The following UNC13B variants were observed in gnomAD, a reference collection of about 807,000 sequenced individuals.
UNC13B encodes unc-13 homolog B, also known as protein unc-13 homolog B.
UNC13B carries 144 observed loss-of-function variants against 211.0 expected under a neutral mutation model. The ratio of observed to expected loss-of-function variants is 0.68; its 90% CI spans 0.60 to 0.78. The LOEUF (loss-of-function observed/expected upper bound fraction) is 0.78, where lower values mean the gene tolerates loss of function less well. Ranked by LOEUF, UNC13B falls within the 30% of genes least tolerant of loss-of-function variation. UNC13B has a pLI of 0.00. For synonymous variants in UNC13B, 709 were observed against 725.8 expected (o/e 0.98, Z 0.37); for missense variants, 1,777 against 2,002.0 (o/e 0.89, Z 2.14).
chr9:35,370,632 T>C (rs867877400), intron 13 of UNC13B, among the ~76,000 whole-genome samples: 2 of 152,376 alleles, frequency 1.3e-5, no homozygotes, highest in Middle Eastern at 3.4e-3. Flanking sequence ...TATTTGTGAC[T>C]TGGGCTCTCA....
intron 11 of UNC13B, among the ~76,000 whole-genome samples, chr9:35,365,644 T>TTTCCCACCTACTGTTGTTTC (rs759458123): frequency 3.3e-5 from 5 of 152,236 alleles, no homozygotes; most frequent in Admixed American, 1.3e-4. Context: ...TTTTCTGTTA[T>TTTCCCACCTACTGTTGTTTC]TTCCCACCTA....
In UNC13B at chr9:35,301,896, C is replaced by T; in HGVS notation, c.2492C>T (p.Ser831Leu). The T allele has an allele frequency of 2.5e-6, 1 of 398,778 alleles. No homozygotes were observed. The highest frequency in any genetic ancestry group is 4.4e-6 in the Non-Finnish European group (1 of 225,872). 24.7% of individuals were successfully genotyped at this position (398,778 alleles called of 1,614,324 possible). The change falls in exon 9 of 40, where the codon TCA becomes TTA. Residue 831 changes from serine to leucine, a missense_variant. Transcript: ENST00000635942. Reference sequence around the variant, plus strand: ...GAGACTTGTTCAAAGGAAAGTTTGTCAGAACCTGTGAAAATTCGCCAGGTG... The same window carrying T: ...GAGACTTGTTCAAAGGAAAGTTTGTTAGAACCTGTGAAAATTCGCCAGGTG... The part of the protein sequence containing the change: ...SPETCSKESL[S>L]EPVKIRQVEE...
intron 2 of UNC13B, among the ~76,000 whole-genome samples, chr9:35,230,576 T>C (rs568833978): frequency 2.6e-5 from 4 of 152,248 alleles, no homozygotes; most frequent in East Asian, 3.9e-4. Flanking sequence ...GATTTTTCCT[T>C]AATTTTTGTC....
At chr9:35,240,068 T>C (rs1211722441) in intron 5 of UNC13B, among the ~76,000 whole-genome samples, 1 of 152,198 alleles carries the variant, frequency 6.6e-6, no homozygotes, top group East Asian at 1.9e-4. Context: ...GGGGAAGTGA[T>C]AAGTGTCCAT....
chr9:35,290,824 GGTTTTTTGGGTT>G (rs1829062906), intron 7 of UNC13B, among the ~76,000 whole-genome samples: 1 of 152,052 alleles, frequency 6.6e-6, no homozygotes, highest in Non-Finnish European at 1.5e-5. Flanking sequence ...TTGTTCTGTG[GGTTTTTTGGGTT>G]GTTGTTAGTC....
At chr9:35,363,623 G>C (rs539427446) in intron 11 of UNC13B, among the ~76,000 whole-genome samples, 13 of 152,122 alleles carry the variant, frequency 8.5e-5, no homozygotes, top group South Asian at 2.1e-4. Flanking sequence ...ACATCAATGG[G>C]CCTTTAAAAG....
At chr9:35,263,380 A>G (rs1827390447) in intron 7 of UNC13B, among the ~76,000 whole-genome samples, 1 of 151,692 alleles carries the variant, frequency 6.6e-6, no homozygotes, top group Non-Finnish European at 1.5e-5. Context: ...CCCTCAGTAT[A>G]CTTGGGGGAT....
intron 1 of UNC13B, among the ~76,000 whole-genome samples, chr9:35,222,251 T>G (rs1222050005): frequency 6.6e-6 from 1 of 152,112 alleles, no homozygotes; most frequent in African/African-American, 2.4e-5. Flanking sequence ...ATGGGGAAAA[T>G]TGTCATTTTA....
intron 11 of UNC13B, among the ~76,000 whole-genome samples, chr9:35,339,696 A>G (rs1432221930): frequency 3.3e-5 from 5 of 152,396 alleles, no homozygotes; most frequent in South Asian, 2.1e-4. Context: ...GTTGTGCCTC[A>G]TGTGCTAACC....
chr9:35,394,241 G>A (rs558866154), intron 26 of UNC13B, among the ~76,000 whole-genome samples: 18 of 152,218 alleles, frequency 1.2e-4, no homozygotes, highest in African/African-American at 1.7e-4. Context: ...TTCAGCTGGA[G>A]ATTTTAAGAT....
chr9:35,351,353 G>T, intron 11 of UNC13B: 2 of 1,225,904 alleles, frequency 1.6e-6, no homozygotes, highest in Non-Finnish European at 2.0e-6. Context: ...GCCACACATG[G>T]GGCCATTCCA....
At chr9:35,236,619 G>A in intron 4 of UNC13B, 33 bp downstream of exon 4, 1 of 1,580,634 alleles carries the variant, frequency 6.3e-7, no homozygotes, top group Middle Eastern at 1.7e-4. Flanking sequence ...TGGAAGTATG[G>A]TTCCCAGCCC....
chr9:35,206,806 G>A (rs200138796), intron 1 of UNC13B, among the ~76,000 whole-genome samples: 46 of 150,964 alleles, frequency 3.0e-4, no homozygotes, highest in African/African-American at 9.5e-4. Flanking sequence ...CTGAGGAGGC[G>A]GAGTTTGCAG....
intron 1 of UNC13B, among the ~76,000 whole-genome samples, chr9:35,190,916 G>T (rs1219588061): frequency 2.6e-5 from 4 of 152,076 alleles, no homozygotes; most frequent in African/African-American, 9.7e-5. Flanking sequence ...AGACCAACAA[G>T]CCTTAATTAG....
rs758225669 is a variant in UNC13B at position 35,382,507 on chromosome 9, G to A, written c.10806G>A (p.Gly3602=). The part of the protein sequence containing the change: ...ASDRFAASNF[G]KERFVKLLDQ... ...ATCGCTTTGCAGCCTCCAACTTTGG[G>A]GTAAGTATCATGTAAACACATATGT... is the stretch of plus-strand genomic sequence containing the variant. Residue 3602 remains glycine, a splice_region_variant and synonymous_variant, in exon 21 of 40, where the codon GGG becomes GGA. Coordinates refer to ENST00000635942, the MANE Select transcript of UNC13B (RefSeq NM_001371189.2). The A allele has an allele frequency of 6.8e-6, 11 of 1,611,174 alleles. No homozygotes were observed. The highest frequency in any genetic ancestry group is 1.3e-5 in the African/African-American group (1 of 74,674).
chr9:35,200,079 A>T (rs1445829519), intron 1 of UNC13B, among the ~76,000 whole-genome samples: 2 of 152,112 alleles, frequency 1.3e-5, no homozygotes, highest in African/African-American at 4.8e-5. Flanking sequence ...TTTTCCCAGC[A>T]CCATTTATTA....
At chr9:35,230,340 G>A (rs991844164) in intron 2 of UNC13B, among the ~76,000 whole-genome samples, 2 of 151,630 alleles carry the variant, frequency 1.3e-5, no homozygotes, top group African/African-American at 2.4e-5. Flanking sequence ...GCATGGTGGC[G>A]CACACCTATA....
intron 11 of UNC13B, among the ~76,000 whole-genome samples, chr9:35,350,188 T>G (rs908058852): frequency 6.6e-6 from 1 of 152,194 alleles, no homozygotes; most frequent in Admixed American, 6.5e-5. Flanking sequence ...AAAAAGGGAA[T>G]GTATTCTCAC....
intron 7 of UNC13B, among the ~76,000 whole-genome samples, chr9:35,268,385 T>C (rs1474747377): frequency 4.6e-5 from 7 of 152,134 alleles, no homozygotes; most frequent in Non-Finnish European, 1.0e-4. Context: ...TTTGGGAGGC[T>C]GAGGCAGGCA....
Sources: allele counts gnomAD v4.1 joint callset (sites outside exome capture counted in the v4.1 genomes callset), GRCh38; gene constraint gnomAD v4.1.1; transcripts MANE v1.5; gene names NCBI Gene and HGNC (gene_info 2026-07-23, HGNC 2026-07-21).